RYK: variants seen among roughly 807,000 people sequenced by gnomAD.
RYK encodes the protein inactive tyrosine-protein kinase RYK.
In RYK, 21 loss-of-function variants were observed where a neutral mutation model predicts 70.2. The ratio of observed to expected loss-of-function variants is 0.30; its 90% CI spans 0.21 to 0.43. The LOEUF is 0.43. RYK is among the 20% of genes least tolerant of loss of function. The probability of loss-of-function intolerance (pLI) is 1.00; values close to 1 mark genes in which losing one functional copy is unlikely to be tolerated. For synonymous variants in RYK, 267 were observed against 278.0 expected (o/e 0.96, Z 0.39); for missense variants, 604 against 753.3 (o/e 0.80, Z 2.32).
chr3:134,186,271 T>G (rs1432697740), intron 9 of RYK, among the ~76,000 whole-genome samples: 1 of 152,268 alleles, frequency 6.6e-6, no homozygotes, highest in Non-Finnish European at 1.5e-5. Flanking sequence ...GGAGTATCTA[T>G]GAAGTCTCTG....
At chr3:134,210,711 C>T (rs947790437) in intron 3 of RYK, among the ~76,000 whole-genome samples, 1 of 152,182 alleles carries the variant, frequency 6.6e-6, no homozygotes, top group African/African-American at 2.4e-5. Flanking sequence ...GTAAATAATA[C>T]ACTTATTCAT....
intron 13 of RYK, among the ~76,000 whole-genome samples, chr3:134,174,139 G>A (rs966851759): frequency 3.9e-4 from 60 of 152,256 alleles, no homozygotes; most frequent in African/African-American, 1.3e-3. Flanking sequence ...GGATGGAACC[G>A]CAAGCCAAAG....
intron 9 of RYK, among the ~76,000 whole-genome samples, chr3:134,187,055 T>C (rs962572872): frequency 2.4e-4 from 36 of 152,158 alleles, no homozygotes; most frequent in African/African-American, 8.2e-4. Context: ...CACATAAATA[T>C]TACCCTTTAA....
chr3:134,197,553 T>A (rs754552228), intron 6 of RYK, among the ~76,000 whole-genome samples: 5 of 152,218 alleles, frequency 3.3e-5, no homozygotes, highest in Admixed American at 6.5e-5. Context: ...GTGAATATTA[T>A]GCATCTCCAG....
chr3:134,215,715 G>C (rs1295706486), intron 2 of RYK, among the ~76,000 whole-genome samples: 1 of 152,150 alleles, frequency 6.6e-6, no homozygotes, highest in Non-Finnish European at 1.5e-5. Context: ...TTGTTTATCA[G>C]AATGTAGAGT....
intron 1 of RYK, among the ~76,000 whole-genome samples, chr3:134,236,514 A>T (rs997033889): frequency 1.3e-5 from 2 of 152,208 alleles, no homozygotes; most frequent in African/African-American, 2.4e-5. Flanking sequence ...AGTGAGCTAC[A>T]GATTCACTAA....
At chr3:134,228,798 TAG>T (rs371487190) in intron 1 of RYK, among the ~76,000 whole-genome samples, 17 of 152,242 alleles carry the variant, frequency 1.1e-4, no homozygotes, top group African/African-American at 3.1e-4. Context: ...TAACACACAG[TAG>T]AGTCACTAGT....
Position 134,209,742 on chromosome 3 carries a change from T to G in RYK, c.542A>C (p.Lys181Thr). ...TTTAAAATTTAAGACGGTAAAATTT[T>G]TTGAAGAATTTACTGTCAAGTTGAG... ...MQLNLTVNSS[K>T]NFTVLNFKRR... Residue 181 changes from lysine (K) to threonine (T), a missense_variant, in exon 4 of 15, where the codon AAA (lysine) becomes ACA (threonine). Transcript: ENST00000623711. 6.7e-7 allele frequency: 1 copy of G among 1,503,276 alleles called. No homozygotes were observed. The highest frequency in any genetic ancestry group is 8.9e-7 in the Non-Finnish European group (1 of 1,125,768). The allele number at this position is 1,503,276 out of a possible 1,614,324, so 93.1% of individuals were successfully genotyped here.
At chr3:134,218,106 T>G (rs1221288995) in intron 2 of RYK, among the ~76,000 whole-genome samples, 1 of 152,236 alleles carries the variant, frequency 6.6e-6, no homozygotes, top group Admixed American at 6.5e-5. Context: ...TCCAAACTTA[T>G]AACCTCACTC....
intron 2 of RYK, among the ~76,000 whole-genome samples, 160 bp downstream of exon 2, chr3:134,222,258 G>A (rs895223947): frequency 1.3e-5 from 2 of 152,178 alleles, no homozygotes; most frequent in Non-Finnish European, 2.9e-5. Flanking sequence ...TAGAGGAATA[G>A]GCCAAATATT....
intron 9 of RYK, 175 bp from the exon 10 acceptor site, chr3:134,183,246 G>A: frequency 2.6e-6 from 1 of 386,024 alleles, no homozygotes; most frequent in Non-Finnish European, 4.6e-6. Flanking sequence ...TCATTAAATA[G>A]GTCAATTTTC....
At chr3:134,213,323 G>A (rs978996158) in intron 2 of RYK, among the ~76,000 whole-genome samples, 3 of 152,152 alleles carry the variant, frequency 2.0e-5, no homozygotes, top group Admixed American at 1.3e-4. Flanking sequence ...TCCATATTTT[G>A]TAAAATAAGG....
intron 14 of RYK, among the ~76,000 whole-genome samples, chr3:134,158,730 G>A (rs886268695): frequency 1.3e-5 from 2 of 152,120 alleles, no homozygotes; most frequent in Non-Finnish European, 2.9e-5. Flanking sequence ...ACCCTGCATA[G>A]CCTCCTGTTT....
intron 13 of RYK, among the ~76,000 whole-genome samples, chr3:134,164,672 T>C (rs9847496): frequency 3.3e-5 from 5 of 152,278 alleles, no homozygotes; most frequent in Non-Finnish European, 7.3e-5. Flanking sequence ...ATTTGAATTA[T>C]GTTCAGCCTT....
At chr3:134,220,195 A>T (rs1191019546) in intron 2 of RYK, among the ~76,000 whole-genome samples, 1 of 152,238 alleles carries the variant, frequency 6.6e-6, no homozygotes, top group Non-Finnish European at 1.5e-5. Flanking sequence ...GTTAAGGTCA[A>T]AAAACACAAA....
chr3:134,172,777 T>C (rs1284030863), intron 13 of RYK, among the ~76,000 whole-genome samples: 2 of 152,216 alleles, frequency 1.3e-5, no homozygotes, highest in East Asian at 3.8e-4. Flanking sequence ...TTCTTTATCA[T>C]CAGAGCTCTG....
chr3:134,225,959 G>A (rs937388618), intron 1 of RYK, among the ~76,000 whole-genome samples: 4 of 151,720 alleles, frequency 2.6e-5, no homozygotes, highest in African/African-American at 9.7e-5. Flanking sequence ...AAAGTGAGGG[G>A]GGATTAATCA....
chr3:134,208,578 T>A (rs2014285280), intron 4 of RYK, among the ~76,000 whole-genome samples: 1 of 152,242 alleles, frequency 6.6e-6, no homozygotes. Context: ...TCTATTCAAA[T>A]GTAGTGCAGC....
chr3:134,239,820 T>C (rs1269105100), intron 1 of RYK, among the ~76,000 whole-genome samples: 2 of 152,200 alleles, frequency 1.3e-5, no homozygotes, highest in African/African-American at 2.4e-5. Flanking sequence ...AACAGTGTGA[T>C]AGCACAGAGA....
Sources: allele counts gnomAD v4.1 joint callset (sites outside exome capture counted in the v4.1 genomes callset), GRCh38; gene constraint gnomAD v4.1.1; transcripts MANE v1.5; gene names NCBI Gene and HGNC (gene_info 2026-07-23, HGNC 2026-07-21).